DLC1: variants seen among roughly 807,000 people sequenced by gnomAD.
The protein encoded by DLC1 is rho GTPase-activating protein 7.
In DLC1, 54 loss-of-function variants were observed where a neutral mutation model predicts 140.3. That is an observed-to-expected ratio of 0.38 (90% CI 0.31 to 0.48). The LOEUF (loss-of-function observed/expected upper bound fraction) is 0.48. DLC1 is among the 20% of genes least tolerant of loss of function. The probability of loss-of-function intolerance (pLI) is 0.96; values close to 1 mark genes in which losing one functional copy is unlikely to be tolerated. For synonymous variants in DLC1, 986 were observed against 728.1 expected, an observed-to-expected ratio of 1.35 and a Z score of -5.70; for missense variants, 2,536 against 1,907.0, an observed-to-expected ratio of 1.33 and a Z score of -6.14.
intron 4 of DLC1, among the ~76,000 whole-genome samples, chr8:13,350,370 C>T (rs1417798709): frequency 2.6e-5 from 4 of 151,720 alleles, no homozygotes; most frequent in Non-Finnish European, 4.4e-5. Flanking sequence ...TGCTCTATCT[C>T]TTTTCCAAGA....
At chr8:13,333,275 G>C (rs1468440318) in intron 4 of DLC1, among the ~76,000 whole-genome samples, 1 of 152,080 alleles carries the variant, frequency 6.6e-6, no homozygotes, top group Non-Finnish European at 1.5e-5. Context: ...GCCCAGGCTG[G>C]AGTGCAGTGG....
chr8:13,485,693 C>A (rs1375262965), intron 2 of DLC1, among the ~76,000 whole-genome samples: 1 of 152,240 alleles, frequency 6.6e-6, no homozygotes. Context: ...ATAACCCACA[C>A]AACTATTGTT....
Position 13,090,267 on chromosome 8 carries a change from C to T in DLC1, c.4059G>A (p.Glu1353=), listed in dbSNP as rs1325334287. 2 of 1,613,992 alleles carry T rather than the reference C, an allele frequency of 1.2e-6. No homozygotes were observed. Among genetic ancestry groups the T allele is most frequent in the African/African-American group, 1.3e-5 (1 of 74,926 alleles). Residue 1353 remains glutamate, a synonymous_variant, in exon 15 of 18, where the codon GAG becomes GAA. Coordinates refer to ENST00000276297, the MANE Select transcript of DLC1 (RefSeq NM_182643.3). ...WVSYSTSEQA[E]LSYKKVSEGP... ...GAAGCCTTACCTTCTTATAGGACAG[C>T]TCAGCCTGCTCCGAAGTGGAGTAGC...
chr8:13,170,997 A>G (rs1332892065), intron 5 of DLC1, among the ~76,000 whole-genome samples: 3 of 152,214 alleles, frequency 2.0e-5, no homozygotes, highest in African/African-American at 7.2e-5. Flanking sequence ...TTTAAGAACT[A>G]TAACTCATGT....
At chr8:13,333,253 T>C (rs970498585) in intron 4 of DLC1, among the ~76,000 whole-genome samples, 1 of 152,140 alleles carries the variant, frequency 6.6e-6, no homozygotes, top group Non-Finnish European at 1.5e-5. Context: ...AGAGACAGGG[T>C]CTTCCTTTAT....
chr8:13,381,435 G>A (rs1836250439), intron 4 of DLC1, among the ~76,000 whole-genome samples: 2 of 152,166 alleles, frequency 1.3e-5, no homozygotes, highest in African/African-American at 4.8e-5. Context: ...GATATGTCTG[G>A]TAGAGTCCAC....
intron 7 of DLC1, among the ~76,000 whole-genome samples, chr8:13,107,395 C>G (rs1443247883): frequency 1.3e-5 from 2 of 152,092 alleles, no homozygotes; most frequent in Admixed American, 1.3e-4. Context: ...TATAAGATCC[C>G]TGCATAAAAT....
chr8:13,570,287 A>G (rs894594645), intron 1 of DLC1, among the ~76,000 whole-genome samples: 1 of 136,824 alleles, frequency 7.3e-6, no homozygotes, highest in African/African-American at 2.7e-5. Context: ...TTTCCCCTAA[A>G]TTCTCTCTTT....
At chr8:13,487,610 G>C (rs1410402890) in intron 2 of DLC1, among the ~76,000 whole-genome samples, 1 of 149,096 alleles carries the variant, frequency 6.7e-6, no homozygotes, top group Non-Finnish European at 1.5e-5. Context: ...GTCTCACTCT[G>C]TTGCCCAGGC....
chr8:13,458,005 C>G (rs1448135632), intron 2 of DLC1, among the ~76,000 whole-genome samples: 3 of 151,938 alleles, frequency 2.0e-5, no homozygotes, highest in Non-Finnish European at 4.4e-5. Context: ...CAACACAGAC[C>G]ACGAAGTTGG....
At chr8:13,397,650 G>A (rs1039452568) in intron 3 of DLC1, among the ~76,000 whole-genome samples, 1 of 148,584 alleles carries the variant, frequency 6.7e-6, no homozygotes, top group African/African-American at 2.5e-5. Context: ...GCAATGTAGA[G>A]AAACCCCATC....
chr8:13,181,464 C>T (rs1485276940), intron 5 of DLC1, among the ~76,000 whole-genome samples: 1 of 151,368 alleles, frequency 6.6e-6, no homozygotes, highest in African/African-American at 2.4e-5. Flanking sequence ...TTAGGTATTT[C>T]TCCTAATGCT....
chr8:13,573,096 A>G (rs189498010), intron 1 of DLC1, among the ~76,000 whole-genome samples: 52 of 152,308 alleles, frequency 3.4e-4, no homozygotes, highest in Non-Finnish European at 6.8e-4. Context: ...GAGCATTCCA[A>G]TTCACGCACA....
intron 2 of DLC1, among the ~76,000 whole-genome samples, chr8:13,453,447 TACATATATATATGTATATATATAC>T (rs1799214587): frequency 5.8e-5 from 2 of 34,550 alleles, no homozygotes; most frequent in African/African-American, 2.7e-4. Context: ...TGTATATATA[TACATATATATATGTATATATATAC>T]ATATATATGT....
At chr8:13,122,706 T>C (rs996575569) in intron 5 of DLC1, among the ~76,000 whole-genome samples, 2 of 151,828 alleles carry the variant, frequency 1.3e-5, no homozygotes, top group Non-Finnish European at 2.9e-5. Context: ...TAAACTCTAA[T>C]GTTATCTAAT....
chr8:13,312,446 T>TTAACTC (rs1235919582), intron 4 of DLC1, among the ~76,000 whole-genome samples: 1 of 150,096 alleles, frequency 6.7e-6, no homozygotes, highest in Non-Finnish European at 1.5e-5. Context: ...CCACATTAAC[T>TTAACTC]TAACTCTTCT....
intron 5 of DLC1, among the ~76,000 whole-genome samples, chr8:13,302,556 G>C (rs1297736537): frequency 3.9e-5 from 6 of 152,146 alleles, no homozygotes; most frequent in African/African-American, 1.2e-4. Context: ...AACTGTAATT[G>C]AAGGATGATT....
At chr8:13,182,751 G>T (rs1217851747) in intron 5 of DLC1, among the ~76,000 whole-genome samples, 1 of 152,172 alleles carries the variant, frequency 6.6e-6, no homozygotes, top group East Asian at 1.9e-4. Flanking sequence ...AAGTCAGGCA[G>T]CGTGATGCCT....
chr8:13,359,339 T>A lies in DLC1; in HGVS notation c.1314+34214A>T, dbSNP rs572425918. On this transcript the variant is annotated intron_variant, in intron 4 of 17. Coordinates refer to ENST00000276297, the MANE Select transcript of DLC1 (RefSeq NM_182643.3). ...TATTTGTATCCTTAACCCATCAATT[T>A]GGCTTTGTTGGGTAATGTTACGCTC... is the stretch of plus-strand genomic sequence containing the variant. Among the ~76,000 whole-genome samples, 13 of 152,316 alleles carry A rather than the reference T, an allele frequency of 8.5e-5. No individual in the cohort carries two copies. The South Asian group carries it at 2.7e-3, about 32-fold the overall frequency.
Sources: gnomAD v4.1 joint callset for allele counts (sites outside exome capture counted in the v4.1 genomes callset) on GRCh38, gnomAD v4.1.1 for gene constraint, MANE v1.5 for transcripts, NCBI Gene and HGNC (gene_info 2026-07-23, HGNC 2026-07-21) for gene names.